The following DNER variants were observed in gnomAD, a reference collection of about 807,000 sequenced individuals.
DNER encodes delta and Notch-like epidermal growth factor-related receptor.
Under a neutral mutation model 78.2 loss-of-function variants are expected in DNER, and 33 were observed. The observed-to-expected ratio is 0.42, with a 90% CI of 0.32 to 0.56. The LOEUF is 0.56. DNER is among the 20% of genes least tolerant of loss of function. The pLI is 0.11. For missense variants in DNER, 918 were observed against 975.3 expected (o/e 0.94, Z 0.78); for synonymous variants, 417 against 384.8 (o/e 1.08, Z -0.98).
chr2:229,368,717 G>A (rs997463061), intron 11 of DNER, among the ~76,000 whole-genome samples: 1 of 152,150 alleles, frequency 6.6e-6, no homozygotes, highest in Non-Finnish European at 1.5e-5. Context: ...ATAACCACCA[G>A]AAGATACATT....
chr2:229,585,669 A>C (rs932464142), intron 4 of DNER, among the ~76,000 whole-genome samples, 189 bp downstream of exon 4: 6 of 152,214 alleles, frequency 3.9e-5, no homozygotes, highest in East Asian at 1.9e-4. Flanking sequence ...TCAAAAAAAA[A>C]AAAAAGAAAA....
At chr2:229,366,607 A>T (rs749633614) in intron 12 of DNER, among the ~76,000 whole-genome samples, 2 of 152,230 alleles carry the variant, frequency 1.3e-5, no homozygotes, top group Non-Finnish European at 2.9e-5. Flanking sequence ...TACGAATCAG[A>T]TATTTATAGT....
At chr2:229,619,013 T>C (rs943541137) in intron 1 of DNER, among the ~76,000 whole-genome samples, 4 of 152,132 alleles carry the variant, frequency 2.6e-5, no homozygotes, top group African/African-American at 9.7e-5. Context: ...TAAAATTAGC[T>C]GGGCACAATG....
chr2:229,587,081 A>G (rs1574915239), intron 3 of DNER: 1 of 759,386 alleles, frequency 1.3e-6, no homozygotes. Context: ...GTTGAGAGGA[A>G]AAAAACAAAA....
At chr2:229,602,884 T>C (rs1697857553) in intron 1 of DNER, among the ~76,000 whole-genome samples, 1 of 152,176 alleles carries the variant, frequency 6.6e-6, no homozygotes, top group African/African-American at 2.4e-5. Flanking sequence ...ATCACAACAT[T>C]TGTGTGCTTC....
At chr2:229,438,893 A>T (rs2106358556) in intron 8 of DNER, among the ~76,000 whole-genome samples, 1 of 152,234 alleles carries the variant, frequency 6.6e-6, no homozygotes, top group Non-Finnish European at 1.5e-5. Context: ...TCAGTCAGTT[A>T]TTTACCCTTG....
At chr2:229,673,299 G>A (rs1310087242) in intron 1 of DNER, among the ~76,000 whole-genome samples, 2 of 152,030 alleles carry the variant, frequency 1.3e-5, no homozygotes, top group African/African-American at 2.4e-5. Flanking sequence ...TGAGAAGAAG[G>A]CACGAGATGC....
At chr2:229,600,544 T>C (rs1053730447) in intron 1 of DNER, among the ~76,000 whole-genome samples, 6 of 152,246 alleles carry the variant, frequency 3.9e-5, no homozygotes, top group African/African-American at 1.2e-4. Flanking sequence ...AGTGATTAAA[T>C]AACAGAAGAA....
At chr2:229,506,515 T>C (rs1695748971) in intron 6 of DNER, among the ~76,000 whole-genome samples, 2 of 99,848 alleles carry the variant, frequency 2.0e-5, no homozygotes, top group African/African-American at 6.1e-5. Flanking sequence ...TATGGCCTTT[T>C]TTTTTCTTTT....
intron 1 of DNER, among the ~76,000 whole-genome samples, chr2:229,635,385 A>AC (rs1553547035): frequency 3.4e-5 from 5 of 145,860 alleles, no homozygotes; most frequent in Admixed American, 2.1e-4. Flanking sequence ...AAAAAAAAAA[A>AC]CTCCCATATT....
chr2:229,584,334 C>T (rs759186409), intron 4 of DNER, among the ~76,000 whole-genome samples: 47 of 152,208 alleles, frequency 3.1e-4, no homozygotes, highest in Non-Finnish European at 6.0e-4. Context: ...AAGGAATTAA[C>T]AGCAGGATGC....
chr2:229,488,428 A>C (rs1695324798), intron 6 of DNER, among the ~76,000 whole-genome samples: 1 of 152,170 alleles, frequency 6.6e-6, no homozygotes, highest in South Asian at 2.1e-4. Context: ...GTGTGTATAC[A>C]TGTGTGTGCA....
intron 7 of DNER, among the ~76,000 whole-genome samples, chr2:229,464,775 A>G (rs1694767632): frequency 6.6e-6 from 1 of 152,142 alleles, no homozygotes. Context: ...AAGATAGTGG[A>G]GTCAGGAAGA....
chr2:229,431,682 G>C (rs1052759283), intron 8 of DNER, among the ~76,000 whole-genome samples: 2 of 150,584 alleles, frequency 1.3e-5, no homozygotes, highest in Non-Finnish European at 3.0e-5. Context: ...TATACCTAAT[G>C]CTAAATGACG....
rs76149857 is a variant in DNER, at chr2:229,491,674, C to T, written c.1148-14421G>A. ...CTGCAATCCTATTCCCATTTTTCTT[C>T]ATCCCTTTACCCTGTTTTATTTTTT... On this transcript the variant is annotated intron_variant, in intron 6 of 12. Transcript: ENST00000341772. Among the ~76,000 whole-genome samples, 26 of 152,216 alleles carry T rather than the reference C, an allele frequency of 1.7e-4. No homozygotes were observed. The East Asian group carries it at 4.1e-3, about 24-fold the overall frequency.
At chr2:229,449,422 T>C (rs952725510) in intron 7 of DNER, among the ~76,000 whole-genome samples, 7 of 152,218 alleles carry the variant, frequency 4.6e-5, no homozygotes, top group African/African-American at 1.7e-4. Context: ...AAAGGCCCAT[T>C]TGATTTCCTC....
intron 1 of DNER, among the ~76,000 whole-genome samples, chr2:229,629,131 T>G (rs1698393882): frequency 6.6e-6 from 1 of 152,204 alleles, no homozygotes; most frequent in Non-Finnish European, 1.5e-5. Flanking sequence ...GCCAATTTAG[T>G]AACTGTGCCT....
chr2:229,376,398 C>T (rs1369114801), intron 11 of DNER, among the ~76,000 whole-genome samples: 3 of 152,174 alleles, frequency 2.0e-5, no homozygotes, highest in South Asian at 4.1e-4. Flanking sequence ...CAGTGCCTTG[C>T]TCTCAGACTT....
intron 1 of DNER, among the ~76,000 whole-genome samples, chr2:229,685,480 A>G (rs1699469440): frequency 1.4e-5 from 2 of 139,902 alleles, no homozygotes; most frequent in African/African-American, 5.3e-5. Context: ...TGGAAAATGC[A>G]TTTAAATTAC....
Sources: allele counts gnomAD v4.1 joint callset (sites outside exome capture counted in the v4.1 genomes callset), GRCh38; gene constraint gnomAD v4.1.1; transcripts MANE v1.5; gene names NCBI Gene and HGNC (gene_info 2026-07-23, HGNC 2026-07-21).